The following FLT3LG variants were observed in gnomAD, a reference collection of about 807,000 sequenced individuals.
FLT3LG encodes fms related receptor tyrosine kinase 3 ligand.
A neutral mutation model predicts 30.9 loss-of-function variants in FLT3LG; 8 were observed. The ratio of observed to expected loss-of-function variants is 0.26; its 90% CI spans 0.15 to 0.47. The LOEUF (loss-of-function observed/expected upper bound fraction) is 0.47. Among genes scored for constraint, FLT3LG ranks in the 20% least tolerant of loss-of-function variants. The pLI, the probability that FLT3LG is intolerant of heterozygous loss-of-function variation, is 0.99. For missense variants in FLT3LG, 278 were observed against 306.2 expected (o/e 0.91, Z 0.69); for synonymous variants, 123 against 135.9 (o/e 0.91, Z 0.66).
In FLT3LG at chr19:49,475,191, G is replaced by C. The variant is rs560395303; in HGVS notation, c.34-500G>C. Reference sequence around the variant, plus strand: ...GGAGGTGGACAGGAGGAGGGAGACGGACAGAGGAGAGGAAGAGAGACAGAG... The same window carrying C: ...GGAGGTGGACAGGAGGAGGGAGACGCACAGAGGAGAGGAAGAGAGACAGAG... On this transcript the variant is annotated intron_variant, in intron 2 of 8. Transcript: ENST00000597551. Among the ~76,000 whole-genome samples, 9 of 111,324 alleles carry C rather than the reference G, an allele frequency of 8.1e-5. No individual in the cohort carries two copies. The East Asian group carries it at 2.9e-3, about 36-fold the overall frequency. 73.0% of individuals were successfully genotyped at this position (111,324 alleles called of 152,430 possible).
chr19:49,476,100 T>C lies in FLT3LG; in HGVS notation c.145-45T>C, dbSNP rs375243130. The C allele has an allele frequency of 1.6e-5, 25 of 1,611,048 alleles. No homozygotes were observed. Among genetic ancestry groups the C allele is most frequent in the Non-Finnish European group, 2.0e-5 (24 of 1,177,668 alleles). ...CCACCTCTGGGTCCCCACAGTTCTG[T>C]TTCTCGCTGTTTTCAGCCAGGCCTG... On this transcript the variant is annotated intron_variant, in intron 3 of 8. Coordinates refer to ENST00000597551, the MANE Select transcript of FLT3LG (RefSeq NM_001459.4). This position sits in a 1 kb window ranked among gnomAD's most constrained non-coding sequence, Gnocchi z 5.3.
intron 2 of FLT3LG, 146 bp from the exon 3 acceptor site, chr19:49,475,545 G>A: frequency 9.5e-7 from 1 of 1,057,030 alleles, no homozygotes; most frequent in Non-Finnish European, 1.3e-6. Flanking sequence ...CAGAGATGGG[G>A]CCATGTCTCC....
chr19:49,479,146 G>C, intron 6 of FLT3LG, 99 bp downstream of exon 6: 1 of 1,116,440 alleles, frequency 9.0e-7, no homozygotes, highest in Non-Finnish European at 1.2e-6. Context: ...TCTCATATTG[G>C]TTGTGACAAG....
At chr19:49,479,122 C>A (rs2122523155) in intron 6 of FLT3LG, 75 bp downstream of exon 6, 1 of 1,299,070 alleles carries the variant, frequency 7.7e-7, no homozygotes, top group Non-Finnish European at 1.0e-6. Context: ...ACAGTGCATC[C>A]CAGACCCCAT....
chr19:49,484,634 T>C (rs564231821), intron 8 of FLT3LG, among the ~76,000 whole-genome samples: 3 of 151,762 alleles, frequency 2.0e-5, no homozygotes, highest in South Asian at 2.1e-4. Context: ...GTAGCTGGGA[T>C]TACAGGCACA....
At position 49,474,690 on chromosome 19, in the gene FLT3LG, A is replaced by G. The variant is rs767350748; in HGVS notation, c.33+18A>G. The G allele has an allele frequency of 1.9e-6, 3 of 1,611,328 alleles. No homozygotes were observed. In the South Asian group the frequency reaches 3.3e-5, roughly 18 times the overall value. ...GCCCAACAGTGCGTAAACCCCAGGG[A>G]CAAGATCAGGGGAGAGGGGAGGCAC... is the stretch of plus-strand genomic sequence containing the variant. On this transcript the variant is annotated intron_variant, in intron 2 of 8. Coordinates refer to ENST00000597551, the MANE Select transcript of FLT3LG (RefSeq NM_001459.4).
At chr19:49,482,926 G>A (rs1162734562) in intron 8 of FLT3LG, among the ~76,000 whole-genome samples, 1 of 150,900 alleles carries the variant, frequency 6.6e-6, no homozygotes, top group Non-Finnish European at 1.5e-5. Context: ...CGCGCCCGGG[G>A]TCACAGTTTT....
rs940971514 is a variant in FLT3LG, at chr19:49,474,281, G to A, written c.-38G>A. The A allele has an allele frequency of 7.0e-6, 3 of 431,604 alleles. No homozygotes were observed. The highest frequency in any genetic ancestry group is 4.1e-5 in the Admixed American group (1 of 24,336). 26.7% of individuals were successfully genotyped at this position (431,604 alleles called of 1,614,324 possible). On this transcript the variant is annotated splice_region_variant and 5_prime_UTR_variant, in exon 1 of 9. Transcript: ENST00000597551. ...TTCCACACCCAACTGGGGCAAGCCTGGTGCGTGAGGAGACTTGGACTCTAG... is the reference window on the plus strand; with the variant it reads ...TTCCACACCCAACTGGGGCAAGCCTAGTGCGTGAGGAGACTTGGACTCTAG...
chr19:49,479,537 T>C (rs534402513), intron 6 of FLT3LG, among the ~76,000 whole-genome samples: 2 of 135,222 alleles, frequency 1.5e-5, no homozygotes, highest in South Asian at 2.4e-4. Flanking sequence ...AGTCTTGCTC[T>C]GTCCCCCAGG....
At chr19:49,481,096 A>G (rs2079594381) in intron 8 of FLT3LG, 1 of 157,086 alleles carries the variant, frequency 6.4e-6, no homozygotes, top group African/African-American at 2.4e-5. Context: ...CTGGAGACCA[A>G]GCCGGAGGCT....
At chr19:49,474,718 T>C (rs1379316740) in intron 2 of FLT3LG, 46 bp downstream of exon 2, 2 of 1,594,946 alleles carry the variant, frequency 1.3e-6, no homozygotes, top group South Asian at 1.1e-5. Context: ...GGAGGCACAA[T>C]GTCAGGATGG....
chr19:49,480,716 AG>A, intron 8 of FLT3LG, 96 bp downstream of exon 8: 1 of 1,310,736 alleles, frequency 7.6e-7, no homozygotes, highest in Non-Finnish European at 1.1e-6. Context: ...GTGGAGGGGC[AG>A]GGGCAGCTCT....
In FLT3LG at chr19:49,476,435, G is replaced by C. The variant is rs868574879; in HGVS notation, c.211G>C (p.Gly71Arg). 2.5e-6 allele frequency: 4 copies of C among 1,613,208 alleles called. No homozygotes were observed. Among genetic ancestry groups the C allele is most frequent in the Admixed American group, 1.7e-5 (1 of 59,850 alleles). The change falls in exon 5 of 9, where the codon GGG becomes CGG. Residue 71 changes from glycine to arginine, a missense_variant. Transcript: ENST00000597551. This position sits in a 1 kb window ranked among gnomAD's most constrained non-coding sequence, Gnocchi z 5.3. Reference protein sequence around the residue: ...ASNLQDEELCGGLWRLVLAQR... With the variant: ...ASNLQDEELCRGLWRLVLAQR... ...TTCTCCCCTCTAGGAGGAGCTCTGC[G>C]GGGGCCTCTGGCGGCTGGTCCTGGC...
intron 5 of FLT3LG, among the ~76,000 whole-genome samples, chr19:49,477,796 C>A (rs1317002418): frequency 6.6e-6 from 1 of 152,060 alleles, no homozygotes; most frequent in African/African-American, 2.4e-5. Flanking sequence ...GCCTGTAATC[C>A]CAGCACTTTG....
Position 49,476,592 on chromosome 19 carries a change from T to TGAGGG in FLT3LG, c.342+32_342+36dup. The TGAGGG allele has an allele frequency of 6.2e-7, 1 of 1,613,458 alleles. No individual in the cohort carries two copies. Among genetic ancestry groups the TGAGGG allele is most frequent in the Non-Finnish European group, 8.5e-7 (1 of 1,179,786 alleles). On this transcript the variant is annotated intron_variant, in intron 5 of 8. Coordinates refer to ENST00000597551, the MANE Select transcript of FLT3LG (RefSeq NM_001459.4). This position sits in a 1 kb window ranked among gnomAD's most constrained non-coding sequence, Gnocchi z 5.3. Reference sequence around the variant, plus strand: ...GTCAGCCCTCAACTTAGGGGACAAGTGAGGGGAGGGAGATGCCTTCCTACG... The same window carrying TGAGGG: ...GTCAGCCCTCAACTTAGGGGACAAGTGAGGGGAGGGGAGGGAGATGCCTTCCTACG...
intron 5 of FLT3LG, among the ~76,000 whole-genome samples, chr19:49,478,046 A>C (rs2079454974): frequency 6.7e-6 from 1 of 149,756 alleles, no homozygotes; most frequent in African/African-American, 2.5e-5. Context: ...CTGTCCCCAA[A>C]AAATAAATAA....
chr19:49,474,849 T>C (rs1325032215), intron 2 of FLT3LG, among the ~76,000 whole-genome samples, 177 bp downstream of exon 2: 1 of 63,082 alleles, frequency 1.6e-5, no homozygotes, highest in Non-Finnish European at 3.1e-5. Flanking sequence ...GAGGGGGAGA[T>C]GGACAGAGGA....
intron 5 of FLT3LG, among the ~76,000 whole-genome samples, chr19:49,477,767 C>A (rs4802610): frequency 6.6e-6 from 1 of 150,786 alleles, no homozygotes; most frequent in African/African-American, 2.4e-5. Context: ...AAAATAAAAG[C>A]CTGGGTACAG....
rs1189822405 is a variant in FLT3LG, at chr19:49,476,936, C to G, written c.342+370C>G. 1.3e-5 allele frequency among the ~76,000 whole-genome samples: 2 copies of G among 151,852 alleles called. No individual in the cohort carries two copies. Among genetic ancestry groups the G allele is most frequent in the Non-Finnish European group, 2.9e-5 (2 of 67,972 alleles). On this transcript the variant is annotated intron_variant, in intron 5 of 8. Transcript: ENST00000597551. This position sits in a 1 kb window ranked among gnomAD's most constrained non-coding sequence, Gnocchi z 5.3. Reference sequence around the variant, plus strand: ...CTGAGGTGGGCGGATCACTTGAGGTCAGGAGTTTGAGACCAGCCTGGCCAA... The same window carrying G: ...CTGAGGTGGGCGGATCACTTGAGGTGAGGAGTTTGAGACCAGCCTGGCCAA...
Sources: gnomAD v4.1 joint callset for allele counts (sites outside exome capture counted in the v4.1 genomes callset) on GRCh38, gnomAD v4.1.1 for gene constraint, Gnocchi (gnomAD v3.1) non-coding constraint, MANE v1.5 for transcripts, NCBI Gene and HGNC (gene_info 2026-07-23, HGNC 2026-07-21) for gene names.